The following PARVB variants were observed in gnomAD, a reference collection of about 807,000 sequenced individuals.
The protein encoded by PARVB is parvin beta.
In PARVB, 46 loss-of-function variants were observed where a neutral mutation model predicts 47.0. The ratio of observed to expected loss-of-function variants is 0.98; its 90% CI spans 0.77 to 1.25. The LOEUF (loss-of-function observed/expected upper bound fraction) is 1.25. Ranked by LOEUF, PARVB falls within the 50% of genes most tolerant of loss-of-function variation. The pLI, the probability that PARVB is intolerant of heterozygous loss-of-function variation, is 0.00. For missense variants in PARVB, 473 were observed against 471.6 expected (o/e 1.00, Z -0.03); for synonymous variants, 196 against 196.3 (o/e 1.00, Z 0.01).
intron 6 of PARVB, among the ~76,000 whole-genome samples, chr22:44,133,981 G>A (rs1034881960): frequency 1.3e-5 from 2 of 152,240 alleles, no homozygotes; most frequent in African/African-American, 2.4e-5. Flanking sequence ...CATGCCTGGC[G>A]TCTGTGGGGG....
At chr22:44,024,618 A>G (rs112385337) in intron 1 of PARVB, among the ~76,000 whole-genome samples, 167 bp downstream of exon 1, 51,284 of 151,738 alleles carry the variant, frequency 0.34, 8,996 homozygotes, top group East Asian at 0.6. Context: ...AGGACCCGTA[A>G]ACAACGGCCG....
intron 1 of PARVB, among the ~76,000 whole-genome samples, chr22:44,056,030 C>T (rs1288407746): frequency 6.6e-6 from 1 of 152,262 alleles, no homozygotes; most frequent in Non-Finnish European, 1.5e-5. Context: ...AGCTAGTCAG[C>T]AGGCCCTGCC....
At chr22:44,083,941 A>G (rs1403586881) in intron 1 of PARVB, among the ~76,000 whole-genome samples, 2 of 152,146 alleles carry the variant, frequency 1.3e-5, no homozygotes, top group African/African-American at 4.8e-5. Context: ...AACAGAATTC[A>G]CTGGTACATT....
At chr22:44,077,546 A>G (rs1342604476) in intron 1 of PARVB, among the ~76,000 whole-genome samples, 1 of 152,160 alleles carries the variant, frequency 6.6e-6, no homozygotes. Context: ...CCCCAGACCT[A>G]TCTTCTTCCA....
At chr22:44,023,333 A>G (rs1353297854), upstream of PARVB, among the ~76,000 whole-genome samples, 1 of 151,740 alleles carries the variant, frequency 6.6e-6, no homozygotes, top group African/African-American at 2.4e-5. Flanking sequence ...CAACATGGCA[A>G]AACCGCATCT....
At chr22:44,121,788 A>G (rs2053053943) in intron 4 of PARVB, among the ~76,000 whole-genome samples, 1 of 152,204 alleles carries the variant, frequency 6.6e-6, no homozygotes, top group East Asian at 1.9e-4. Context: ...TCAATGCTAC[A>G]AGTTTATCCC....
chr22:44,149,725 G>A (rs962476593), intron 9 of PARVB: 3 of 152,238 alleles, frequency 2.0e-5, no homozygotes, highest in Non-Finnish European at 4.4e-5. Context: ...ACCACTACAC[G>A]CATATGGAGA....
chr22:44,031,468 C>T (rs1348602674), intron 1 of PARVB: 3 of 151,982 alleles, frequency 2.0e-5, no homozygotes, highest in Non-Finnish European at 4.4e-5. Flanking sequence ...TTCTTGAAGG[C>T]CTACTAAGAG....
chr22:44,013,198 G>A (rs2050541522), intron 2 of PARVB, among the ~76,000 whole-genome samples: 1 of 152,044 alleles, frequency 6.6e-6, no homozygotes, highest in South Asian at 2.1e-4. Context: ...GTGCCTGACC[G>A]CTTGCAGCTT....
chr22:44,059,615 G>C (rs2051383284), intron 1 of PARVB, among the ~76,000 whole-genome samples: 2 of 152,146 alleles, frequency 1.3e-5, no homozygotes, highest in Non-Finnish European at 2.9e-5. Context: ...CACCGGTATG[G>C]TATCCCAAGC....
intron 1 of PARVB, among the ~76,000 whole-genome samples, chr22:44,054,286 G>T (rs924846553): frequency 6.6e-6 from 1 of 152,062 alleles, no homozygotes; most frequent in African/African-American, 2.4e-5. Context: ...TGCAATCTTG[G>T]CTCACTGCAA....
chr22:44,151,514 A>G lies in PARVB; in HGVS notation c.806A>G (p.Asn269Ser), dbSNP rs745551622. ...ATCACTTTTGTGAACAAGCACCTGA[A>G]CAAGCTGAATTTGGAGGTGACGGAA... ...SLITFVNKHL[N>S]KLNLEVTELE... Residue 269 changes from asparagine to serine, a missense_variant, in exon 10 of 13, where the codon AAC (asparagine) becomes AGC (serine). By Grantham distance (46) the Asn-to-Ser change is conservative (BLOSUM62 1). Coordinates refer to ENST00000338758, the MANE Select transcript of PARVB (RefSeq NM_013327.5). The G allele has an allele frequency of 9.3e-6, 15 of 1,614,024 alleles. No individual in the cohort carries two copies. The Middle Eastern group carries it at 6.6e-4, about 71-fold the overall frequency.
At chr22:44,156,104 T>TGCAGTGAGCCGAGATC (rs2053926973) in intron 10 of PARVB, among the ~76,000 whole-genome samples, 1 of 151,680 alleles carries the variant, frequency 6.6e-6, no homozygotes, top group Non-Finnish European at 1.5e-5. Flanking sequence ...GAGCCGAGGT[T>TGCAGTGAGCCGAGATC]GCAGTGAGCC....
At chr22:44,033,117 C>A (rs2050854081) in intron 1 of PARVB, among the ~76,000 whole-genome samples, 3 of 152,158 alleles carry the variant, frequency 2.0e-5, no homozygotes, top group Admixed American at 2.0e-4. Flanking sequence ...GAGACAGAGT[C>A]CTGCTCTGTT....
intron 1 of PARVB, among the ~76,000 whole-genome samples, chr22:44,085,725 G>A (rs1294079558): frequency 6.6e-6 from 1 of 152,200 alleles, no homozygotes; most frequent in African/African-American, 2.4e-5. Flanking sequence ...CTGGGTGGAA[G>A]TGACCAGGAT....
At chr22:44,056,456 C>T (rs2051313912) in intron 1 of PARVB, among the ~76,000 whole-genome samples, 1 of 152,236 alleles carries the variant, frequency 6.6e-6, no homozygotes, top group Admixed American at 6.5e-5. Context: ...CTCTACCTCT[C>T]TGTGCCACAG....
At chr22:44,166,862 CAG>C (rs2054179438) in intron 12 of PARVB, among the ~76,000 whole-genome samples, 1 of 152,230 alleles carries the variant, frequency 6.6e-6, no homozygotes, top group African/African-American at 2.4e-5. Flanking sequence ...CAGGAGGTAA[CAG>C]AGATAAGAAT....
chr22:44,086,189 C>T (rs1254266573), intron 1 of PARVB, among the ~76,000 whole-genome samples: 2 of 152,180 alleles, frequency 1.3e-5, no homozygotes, highest in Non-Finnish European at 2.9e-5. Flanking sequence ...ACACCGAGCT[C>T]ATTACCCTGG....
chr22:44,149,029 A>C (rs1275564305), intron 9 of PARVB: 1 of 152,190 alleles, frequency 6.6e-6, no homozygotes, highest in Non-Finnish European at 1.5e-5. Flanking sequence ...GAATGAATCA[A>C]ATCCAGCTTC....
Sources: gnomAD v4.1 joint callset for allele counts (sites outside exome capture counted in the v4.1 genomes callset) on GRCh38, gnomAD v4.1.1 for gene constraint, MANE v1.5 for transcripts, NCBI Gene and HGNC (gene_info 2026-07-23, HGNC 2026-07-21) for gene names.